Variants in C12orf42 observed in about 807,000 individuals in gnomAD.
The protein encoded by C12orf42 is uncharacterized protein C12orf42.
A neutral mutation model predicts 21.6 loss-of-function variants in C12orf42; 25 were observed. The ratio of observed to expected loss-of-function variants is 1.16; its 90% CI spans 0.84 to 1.62. The LOEUF (loss-of-function observed/expected upper bound fraction) is 1.62, where lower values mean the gene tolerates loss of function less well. C12orf42 is among the 40% of genes most tolerant of loss of function. C12orf42 has a pLI of 0.00. For synonymous variants in C12orf42, 174 were observed against 175.0 expected (o/e 0.99, Z 0.05); for missense variants, 483 against 459.3 (o/e 1.05, Z -0.47).
intron 10 of C12orf42, among the ~76,000 whole-genome samples, chr12:103,241,592 T>C (rs907537115): frequency 5.9e-5 from 9 of 152,198 alleles, no homozygotes; most frequent in African/African-American, 2.2e-4. Context: ...TGGCTGGTCA[T>C]TTTCTTCTCT....
the C12orf42 span, among the ~76,000 whole-genome samples, chr12:103,147,492 T>C: frequency 8.6e-6 from 1 of 116,602 alleles, no homozygotes; most frequent in Non-Finnish European, 1.6e-5. Context: ...TTTCTTTTTT[T>C]CTTTTTTTTT....
chr12:103,546,658 A>G, the C12orf42 span, among the ~76,000 whole-genome samples: 1 of 152,344 alleles, frequency 6.6e-6, no homozygotes, highest in African/African-American at 2.4e-5. Context: ...GAAGATACTA[A>G]AACTTAATAC....
the C12orf42 span, among the ~76,000 whole-genome samples, chr12:103,560,233 AGATTACAATTCTG>A: frequency 2.1e-4 from 32 of 152,344 alleles, no homozygotes; most frequent in African/African-American, 7.2e-4. Flanking sequence ...GGCAGAGCAA[AGATTACAATTCTG>A]GATTTCTAAA....
the C12orf42 span, among the ~76,000 whole-genome samples, chr12:103,078,355 C>T: frequency 6.6e-5 from 10 of 152,092 alleles, no homozygotes; most frequent in South Asian, 2.1e-4. Context: ...TTTTTCTTTG[C>T]TGTTGTTTGT....
intron 4 of C12orf42, among the ~76,000 whole-genome samples, chr12:103,360,964 T>C (rs996696460): frequency 2.0e-5 from 3 of 152,122 alleles, no homozygotes; most frequent in African/African-American, 4.8e-5. Context: ...CTTGCACCAT[T>C]TGAGTTTCCA....
the C12orf42 span, among the ~76,000 whole-genome samples, chr12:103,521,833 A>AGTTGCAGT: frequency 6.6e-6 from 1 of 152,198 alleles, no homozygotes; most frequent in Non-Finnish European, 1.5e-5. Context: ...AGCCCCAACC[A>AGTTGCAGT]GTTGCAGTTT....
chr12:103,202,236 T>A, the C12orf42 span, among the ~76,000 whole-genome samples: 7 of 152,198 alleles, frequency 4.6e-5, no homozygotes, highest in Admixed American at 3.9e-4. Context: ...TGTCCCAGAG[T>A]TCCATTCCAT....
chr12:103,120,831 A>AATT, the C12orf42 span, among the ~76,000 whole-genome samples: 1 of 150,778 alleles, frequency 6.6e-6, no homozygotes, highest in Non-Finnish European at 1.5e-5. Flanking sequence ...ACTATAATAA[A>AATT]ATTATTATTA....
chr12:103,350,913 G>A (rs1214972979), intron 4 of C12orf42, among the ~76,000 whole-genome samples: 3 of 152,044 alleles, frequency 2.0e-5, no homozygotes, highest in Non-Finnish European at 2.9e-5. Context: ...AAAAATTACT[G>A]AGACTTTTTT....
At chr12:103,495,166 C>T (rs1028128134) in intron 1 of C12orf42, among the ~76,000 whole-genome samples, 2 of 146,962 alleles carry the variant, frequency 1.4e-5, no homozygotes, top group Admixed American at 7.0e-5. Context: ...GGGTAAGGAG[C>T]GCTGAAGGAG....
the C12orf42 span, among the ~76,000 whole-genome samples, chr12:103,222,019 C>T: frequency 6.6e-6 from 1 of 152,196 alleles, no homozygotes; most frequent in African/African-American, 2.4e-5. Context: ...TAGGCATCAA[C>T]ATGGTCCTGG....
At chr12:103,113,565 AC>A in the C12orf42 span, among the ~76,000 whole-genome samples, 3 of 149,534 alleles carry the variant, frequency 2.0e-5, no homozygotes, top group Admixed American at 2.0e-4. Context: ...TTGGGTTGTT[AC>A]AATTAAGGGG....
At chr12:103,183,653 A>G in the C12orf42 span, among the ~76,000 whole-genome samples, 1 of 152,080 alleles carries the variant, frequency 6.6e-6, no homozygotes, top group African/African-American at 2.4e-5. Context: ...AACAGGAACT[A>G]AGATTATTGA....
chr12:103,225,681 TA>T, the C12orf42 span, among the ~76,000 whole-genome samples: 1 of 151,940 alleles, frequency 6.6e-6, no homozygotes, highest in Non-Finnish European at 1.5e-5. Flanking sequence ...TGGGGATAAC[TA>T]AAAAGGAGTG....
chr12:103,507,145 A>T, the C12orf42 span, among the ~76,000 whole-genome samples: 1 of 20,954 alleles, frequency 4.8e-5, no homozygotes, highest in Admixed American at 9.1e-4. Context: ...TTATATATAT[A>T]ATATAAATAT....
intron 4 of C12orf42, among the ~76,000 whole-genome samples, chr12:103,289,329 TA>T (rs755430119): frequency 3.8e-4 from 58 of 152,212 alleles, no homozygotes; most frequent in Non-Finnish European, 7.8e-4. Flanking sequence ...TTCTAACTAA[TA>T]TTATCATTTT....
the C12orf42 span, among the ~76,000 whole-genome samples, chr12:103,210,123 A>T: frequency 1.3e-5 from 2 of 151,680 alleles, no homozygotes; most frequent in African/African-American, 4.8e-5. Context: ...AAAGTGAAAG[A>T]TGGTAATTTT....
chr12:103,397,792 G>T (rs1374712714), intron 3 of C12orf42: 1 of 152,088 alleles, frequency 6.6e-6, no homozygotes, highest in South Asian at 2.1e-4. Flanking sequence ...GATAAAGAAA[G>T]GTTGCCTAAT....
chr12:103,109,735 A>T, the C12orf42 span, among the ~76,000 whole-genome samples: 3 of 151,654 alleles, frequency 2.0e-5, no homozygotes, highest in South Asian at 4.1e-4. Context: ...AATAGACACC[A>T]TGAACAAATA....
Sources: gnomAD v4.1 joint callset for allele counts (sites outside exome capture counted in the v4.1 genomes callset) on GRCh38, gnomAD v4.1.1 for gene constraint, MANE v1.5 for transcripts, NCBI Gene and HGNC (gene_info 2026-07-23, HGNC 2026-07-21) for gene names.